Variants in SORBS2 observed in about 807,000 individuals in gnomAD.
SORBS2 encodes sorbin and SH3 domain containing 2.
In SORBS2, 46 loss-of-function variants were observed where a neutral mutation model predicts 97.7. That is an observed-to-expected ratio of 0.47 (90% CI 0.37 to 0.60). SORBS2 has a LOEUF of 0.60. SORBS2 is among the 20% of genes least tolerant of loss of function. The pLI is 0.00. For synonymous variants in SORBS2, 476 were observed against 473.4 expected (o/e 1.01, Z -0.07); for missense variants, 1,316 against 1,282.3 (o/e 1.03, Z -0.40).
At chr4:185,803,967 G>A (rs137891705) in intron 1 of SORBS2, among the ~76,000 whole-genome samples, 227 of 152,312 alleles carry the variant, frequency 1.5e-3, no homozygotes, top group Non-Finnish European at 2.8e-3. Flanking sequence ...CTCATATGTA[G>A]TTAAGTTGCT....
chr4:185,919,153 A>G (rs928615474), intron 1 of SORBS2, among the ~76,000 whole-genome samples: 3 of 152,186 alleles, frequency 2.0e-5, no homozygotes, highest in Non-Finnish European at 4.4e-5. Context: ...TTTATGAACC[A>G]GCATAGTTAA....
At chr4:185,747,189 C>G (rs1425856577) in intron 2 of SORBS2, among the ~76,000 whole-genome samples, 2 of 152,164 alleles carry the variant, frequency 1.3e-5, no homozygotes, top group Non-Finnish European at 2.9e-5. Flanking sequence ...TGGCCGTCGG[C>G]AAGACAAGGA....
At chr4:185,917,620 A>G (rs534699784) in intron 1 of SORBS2, among the ~76,000 whole-genome samples, 143 of 152,306 alleles carry the variant, frequency 9.4e-4, no homozygotes, top group African/African-American at 3.3e-3. Flanking sequence ...GGGACATGGG[A>G]ACCCCAGCTA....
intron 1 of SORBS2, among the ~76,000 whole-genome samples, chr4:185,945,321 A>G (rs2099274021): frequency 6.6e-6 from 1 of 152,220 alleles, no homozygotes; most frequent in African/African-American, 2.4e-5. Context: ...GAAGAAACCA[A>G]ACCAAATATT....
chr4:185,831,741 C>T (rs371909017), intron 1 of SORBS2, among the ~76,000 whole-genome samples: 1 of 152,182 alleles, frequency 6.6e-6, no homozygotes, highest in Non-Finnish European at 1.5e-5. Context: ...AAGGACAGTT[C>T]TCTTGACTCC....
chr4:185,656,763 G>T, exon 1 of SORBS2: 1 of 1,517,186 alleles, frequency 6.6e-7, no homozygotes, highest in East Asian at 2.5e-5. Flanking sequence ...TGCCGGAAGG[G>T]GCTGCCCAGA....
intron 1 of SORBS2, among the ~76,000 whole-genome samples, chr4:185,930,270 CA>C (rs1206584225): frequency 6.6e-6 from 1 of 152,050 alleles, no homozygotes; most frequent in African/African-American, 2.4e-5. Flanking sequence ...TCTATTATAA[CA>C]CTAGGATAGA....
At chr4:185,776,366 T>C (rs1371910945) in intron 1 of SORBS2, among the ~76,000 whole-genome samples, 3 of 152,198 alleles carry the variant, frequency 2.0e-5, no homozygotes, top group African/African-American at 7.2e-5. Flanking sequence ...ATACTGTGTG[T>C]CATCAGACCA....
chr4:185,692,999 G>A (rs910315559), intron 2 of SORBS2, among the ~76,000 whole-genome samples: 9 of 152,134 alleles, frequency 5.9e-5, no homozygotes, highest in Admixed American at 2.0e-4. Flanking sequence ...TTTTTGTGTG[G>A]TCTGTGTTCA....
intron 2 of SORBS2, among the ~76,000 whole-genome samples, chr4:185,704,646 C>T (rs542360000): frequency 1.1e-3 from 171 of 151,610 alleles, no homozygotes; most frequent in African/African-American, 3.9e-3. Context: ...ATTCATTAAT[C>T]AAAAAGTTTG....
At chr4:185,896,586 A>G (rs1306409441) in intron 1 of SORBS2, among the ~76,000 whole-genome samples, 1 of 152,220 alleles carries the variant, frequency 6.6e-6, no homozygotes, top group Non-Finnish European at 1.5e-5. Flanking sequence ...CTCTGTCTCA[A>G]AATAAATAAA....
intron 4 of SORBS2, among the ~76,000 whole-genome samples, chr4:185,643,363 G>A (rs902544498): frequency 7.2e-5 from 11 of 152,212 alleles, no homozygotes; most frequent in Admixed American, 7.2e-4. Context: ...GGCAGGGAGG[G>A]TGGGAGGAGA....
chr4:185,589,551 G>A (rs2095871174), intron 14 of SORBS2, 128 bp downstream of exon 26: 4 of 677,260 alleles, frequency 5.9e-6, no homozygotes, highest in Admixed American at 4.2e-5. Flanking sequence ...TTGTGCATAT[G>A]AATGTCTGAA....
At chr4:185,640,421 T>C (rs891822534) in intron 4 of SORBS2, among the ~76,000 whole-genome samples, 17 of 152,234 alleles carry the variant, frequency 1.1e-4, no homozygotes, top group African/African-American at 3.9e-4. Context: ...GCTTTATTGT[T>C]GTAATGTTAT....
chr4:185,935,574 G>T (rs571884789), intron 1 of SORBS2, among the ~76,000 whole-genome samples: 1 of 152,208 alleles, frequency 6.6e-6, no homozygotes, highest in Non-Finnish European at 1.5e-5. Flanking sequence ...ATTTTACCAT[G>T]AGTAGCCATT....
intron 2 of SORBS2, among the ~76,000 whole-genome samples, chr4:185,727,323 G>T (rs1463313709): frequency 2.6e-5 from 4 of 152,138 alleles, no homozygotes; most frequent in African/African-American, 9.7e-5. Context: ...TAACCAGATA[G>T]GTGCAGTCAA....
intron 2 of SORBS2, among the ~76,000 whole-genome samples, chr4:185,699,144 T>C (rs542241207): frequency 6.6e-6 from 1 of 152,182 alleles, no homozygotes; most frequent in Non-Finnish European, 1.5e-5. Context: ...TATATGTGTC[T>C]CAGATATGCA....
At chr4:185,734,313 G>A (rs565007790) in intron 2 of SORBS2, among the ~76,000 whole-genome samples, 159 bp from the exon 3 acceptor site, 30 of 152,234 alleles carry the variant, frequency 2.0e-4, no homozygotes, top group African/African-American at 7.0e-4. Context: ...AACAAACACC[G>A]CGGAAAGGAA....
intron 1 of SORBS2, among the ~76,000 whole-genome samples, chr4:185,837,575 T>G (rs962676738): frequency 2.0e-5 from 3 of 152,208 alleles, no homozygotes; most frequent in Non-Finnish European, 4.4e-5. Context: ...TGGCTTTTGT[T>G]CTAACTGAAT....
Sources: gnomAD v4.1 joint callset for allele counts (sites outside exome capture counted in the v4.1 genomes callset) on GRCh38, gnomAD v4.1.1 for gene constraint, MANE v1.5 for transcripts, NCBI Gene and HGNC (gene_info 2026-07-23, HGNC 2026-07-21) for gene names.